The following PIWIL3 variants were observed in gnomAD, a reference collection of about 807,000 sequenced individuals.
PIWIL3 encodes the protein piwi-like protein 3.
PIWIL3 carries 101 observed loss-of-function variants against 109.7 expected under a neutral mutation model. The observed-to-expected ratio is 0.92, with a 90% CI of 0.78 to 1.09. The LOEUF (loss-of-function observed/expected upper bound fraction) is 1.09, where lower values mean the gene tolerates loss of function less well. Ranked by LOEUF, PIWIL3 falls within the 50% of genes least tolerant of loss-of-function variation. PIWIL3 has a pLI of 0.00. For missense variants in PIWIL3, 1,031 were observed against 1,072.6 expected (o/e 0.96, Z 0.54); for synonymous variants, 373 against 376.4 (o/e 0.99, Z 0.10).
At chr22:24,756,853 G>A in intron 4 of PIWIL3, 148 bp from the exon 5 acceptor site, 1 of 662,848 alleles carries the variant, frequency 1.5e-6, no homozygotes, top group South Asian at 2.0e-5. Flanking sequence ...GCCAAGGCGG[G>A]TGGATCACCT....
chr22:24,769,113 C>A (rs1020526609), intron 1 of PIWIL3, among the ~76,000 whole-genome samples: 3 of 152,150 alleles, frequency 2.0e-5, no homozygotes, highest in Non-Finnish European at 2.9e-5. Context: ...ATGCTCAAGT[C>A]CCTGATACAA....
intron 2 of PIWIL3, among the ~76,000 whole-genome samples, chr22:24,760,891 A>C (rs1422993326): frequency 1.3e-5 from 2 of 151,852 alleles, no homozygotes; most frequent in African/African-American, 4.8e-5. Context: ...AGGAAATAGC[A>C]AGGGATGTGA....
chr22:24,722,635 C>T lies in PIWIL3; in HGVS notation c.2357+495G>A, dbSNP rs550883131. ...GGCTGAGGCAGGAGAATTGCTTGAA[C>T]CTGGGAGGAAGAGGTGGCAGTGTGC... On this transcript the variant is annotated intron_variant, in intron 19 of 20. Transcript: ENST00000616349. 9.2e-4 allele frequency among the ~76,000 whole-genome samples: 140 copies of T among 152,176 alleles called. 1 individual carries two copies. The highest frequency in any genetic ancestry group is 3.2e-3 in the African/African-American group (131 of 41,548).
At chr22:24,761,247 T>C (rs1244833374) in intron 2 of PIWIL3, among the ~76,000 whole-genome samples, 1 of 150,960 alleles carries the variant, frequency 6.6e-6, no homozygotes, top group Admixed American at 6.6e-5. Flanking sequence ...AGTGAGAATA[T>C]GGAGAAAAAA....
chr22:24,751,776 A>G (rs1209584984), intron 8 of PIWIL3, among the ~76,000 whole-genome samples: 1 of 152,208 alleles, frequency 6.6e-6, no homozygotes, highest in Non-Finnish European at 1.5e-5. Flanking sequence ...GGCAGCCACT[A>G]GCCTACTTCG....
chr22:24,758,137 A>C (rs1925204831), intron 3 of PIWIL3, 98 bp from the exon 4 acceptor site: 1 of 1,359,296 alleles, frequency 7.4e-7, no homozygotes, highest in African/African-American at 1.5e-5. Flanking sequence ...GGTAGAAAAG[A>C]TGCCACCCAA....
chr22:24,731,221 T>C (rs1923327023), intron 14 of PIWIL3, among the ~76,000 whole-genome samples: 1 of 152,210 alleles, frequency 6.6e-6, no homozygotes, highest in South Asian at 2.1e-4. Flanking sequence ...TCTGAAGGAA[T>C]GCCCCAAACC....
intron 2 of PIWIL3, chr22:24,761,793 C>G (rs1039297181): frequency 3.9e-6 from 1 of 259,352 alleles, no homozygotes; most frequent in Non-Finnish European, 6.0e-6. Flanking sequence ...TGTTGAAAAC[C>G]GAGAATTAGG....
intron 5 of PIWIL3, 83 bp downstream of exon 5, chr22:24,756,408 G>T (rs1925032314): frequency 3.0e-6 from 4 of 1,338,632 alleles, no homozygotes; most frequent in East Asian, 2.5e-5. Flanking sequence ...ACAAACAACT[G>T]CACAAAAACA....
Position 24,735,815 on chromosome 22 carries a change from A to G in PIWIL3, c.1527T>C (p.Ser509=). Residue 509 remains serine, a synonymous_variant, in exon 13 of 21, where the codon AGT becomes AGC. Transcript: ENST00000616349. ...LPLLNAMPLH[S]WLILYSRSSH... is the part of the protein sequence containing the mutation. ...TGCTCCTGCTATAGAGTATGAGCCA[A>G]CTATGTAGTGGCATTGCATTAAGTA... The G allele has an allele frequency of 6.2e-7, 1 of 1,613,208 alleles. No homozygotes were observed. The highest frequency in any genetic ancestry group is 8.5e-7 in the Non-Finnish European group (1 of 1,179,156).
In PIWIL3 at chr22:24,741,980, G is replaced by A. The variant is rs145004367; in HGVS notation, c.1450-6088C>T. 2.7e-3 allele frequency among the ~76,000 whole-genome samples: 415 copies of A among 152,096 alleles called. 1 individual carries two copies. Among genetic ancestry groups the A allele is most frequent in the African/African-American group, 9.4e-3 (389 of 41,494 alleles). ...CACTGTCACTGTTTGCTGATGATAT[G>A]ATTGCATACCTAGAAAACCCTAAAG... On this transcript the variant is annotated intron_variant, in intron 12 of 20. Coordinates refer to ENST00000616349, the MANE Select transcript of PIWIL3 (RefSeq NM_001255975.1).
chr22:24,728,721 T>C (rs1383419760), intron 14 of PIWIL3, among the ~76,000 whole-genome samples: 4 of 152,196 alleles, frequency 2.6e-5, no homozygotes, highest in Admixed American at 2.0e-4. Flanking sequence ...GTTAACATTG[T>C]TATAAATTAC....
chr22:24,763,375 A>G (rs1461359464), intron 1 of PIWIL3, among the ~76,000 whole-genome samples: 2 of 152,032 alleles, frequency 1.3e-5, no homozygotes, highest in African/African-American at 4.8e-5. Flanking sequence ...ATCTCGGCTC[A>G]CTGCAACCTC....
intron 14 of PIWIL3, among the ~76,000 whole-genome samples, chr22:24,732,590 G>A (rs529695901): frequency 8.5e-5 from 13 of 152,298 alleles, no homozygotes; most frequent in South Asian, 4.1e-4. Context: ...TTGGGAGGCC[G>A]AGGCAGGTGG....
chr22:24,734,004 C>T, intron 14 of PIWIL3, 80 bp downstream of exon 14: 12 of 1,471,134 alleles, frequency 8.2e-6, no homozygotes, highest in South Asian at 1.5e-5. Flanking sequence ...CCAACAACAA[C>T]ATTTTGAATT....
intron 11 of PIWIL3, 56 bp downstream of exon 11, chr22:24,749,348 C>T: frequency 6.3e-7 from 1 of 1,591,996 alleles, no homozygotes; most frequent in Non-Finnish European, 8.5e-7. Context: ...ATGCCATCAG[C>T]TTCACTGGGA....
At chr22:24,760,413 G>A (rs573777782) in intron 2 of PIWIL3, among the ~76,000 whole-genome samples, 3 of 152,260 alleles carry the variant, frequency 2.0e-5, no homozygotes, top group Admixed American at 6.5e-5. Flanking sequence ...CAGTGTGGCT[G>A]GAAGAAGAGG....
intron 12 of PIWIL3, among the ~76,000 whole-genome samples, chr22:24,740,678 T>C (rs1299128078): frequency 6.6e-6 from 1 of 152,054 alleles, no homozygotes; most frequent in Admixed American, 6.5e-5. Flanking sequence ...GATAAATTCC[T>C]GGAACCGGAA....
intron 8 of PIWIL3, 138 bp from the exon 9 acceptor site, chr22:24,751,636 C>T: frequency 7.2e-7 from 1 of 1,384,970 alleles, no homozygotes; most frequent in South Asian, 1.5e-5. Flanking sequence ...ACATACTGTA[C>T]AACTCACCCA....
Sources: gnomAD v4.1 joint callset for allele counts (sites outside exome capture counted in the v4.1 genomes callset) on GRCh38, gnomAD v4.1.1 for gene constraint, MANE v1.5 for transcripts, NCBI Gene and HGNC (gene_info 2026-07-23, HGNC 2026-07-21) for gene names.